FTO: variants seen among roughly 807,000 people sequenced by gnomAD.
The protein encoded by FTO is alpha-ketoglutarate-dependent dioxygenase FTO.
FTO carries 47 observed loss-of-function variants against 63.9 expected under a neutral mutation model. The ratio of observed to expected loss-of-function variants is 0.74; its 90% CI spans 0.58 to 0.94. The LOEUF is 0.94. FTO is among the 40% of genes least tolerant of loss of function. The pLI is 0.00. For missense variants in FTO, 562 were observed against 618.1 expected (o/e 0.91, Z 0.96); for synonymous variants, 207 against 224.4 (o/e 0.92, Z 0.69).
intron 1 of FTO, among the ~76,000 whole-genome samples, chr16:53,714,328 A>T (rs897431232): frequency 6.6e-6 from 1 of 152,208 alleles, no homozygotes; most frequent in Admixed American, 6.5e-5. Context: ...CAGTAATAAT[A>T]TAAAATGGGC....
intron 8 of FTO, among the ~76,000 whole-genome samples, chr16:54,012,490 T>C (rs1802022062): frequency 1.3e-5 from 2 of 152,174 alleles, no homozygotes; most frequent in South Asian, 4.1e-4. Context: ...CTAAGGTCAT[T>C]GATGAAATGG....
At chr16:53,756,160 C>T (rs1012946092) in intron 1 of FTO, among the ~76,000 whole-genome samples, 3 of 152,070 alleles carry the variant, frequency 2.0e-5, no homozygotes, top group African/African-American at 7.2e-5. Flanking sequence ...AAACTAAAGA[C>T]ATGAGAGAGA....
intron 1 of FTO, among the ~76,000 whole-genome samples, chr16:53,720,482 T>G (rs1047751883): frequency 2.6e-5 from 4 of 151,680 alleles, no homozygotes; most frequent in Non-Finnish European, 5.9e-5. Flanking sequence ...ATAGACAATA[T>G]TGTACATATT....
Position 54,112,036 on chromosome 16 carries a change from C to A in FTO, c.*121C>A. 9.5e-7 allele frequency: 1 copy of A among 1,055,796 alleles called. No homozygotes were observed. The highest frequency in any genetic ancestry group is 1.5e-6 in the Non-Finnish European group (1 of 683,682). The allele number at this position is 1,055,796 out of a possible 1,614,324, so 65.4% of individuals were successfully genotyped here. A position where few individuals can be genotyped will look rare whatever the true frequency, so the allele number is the denominator to read the frequency against. ...GGCCCCTAGATTGTAGCACCCGGGTCCCAATCCAAAACAGCTAGGAAATGG... is the reference window on the plus strand; with the variant it reads ...GGCCCCTAGATTGTAGCACCCGGGTACCAATCCAAAACAGCTAGGAAATGG... On this transcript the variant is annotated 3_prime_UTR_variant, in exon 9 of 9. Coordinates refer to ENST00000471389, the MANE Select transcript of FTO (RefSeq NM_001080432.3).
intron 4 of FTO, among the ~76,000 whole-genome samples, chr16:53,871,144 A>G (rs576156352): frequency 1.3e-5 from 2 of 152,208 alleles, no homozygotes; most frequent in South Asian, 4.1e-4. Context: ...TTAGTCTTAT[A>G]TCTTTTTTTG....
intron 1 of FTO, among the ~76,000 whole-genome samples, chr16:53,721,660 C>G (rs2076044905): frequency 6.6e-6 from 1 of 152,132 alleles, no homozygotes. Context: ...ATAAGTCAGT[C>G]TTAGGTTAAC....
intron 8 of FTO, chr16:53,956,880 G>A (rs773035680): frequency 5.9e-5 from 9 of 152,036 alleles, no homozygotes; most frequent in African/African-American, 1.9e-4. Context: ...GGTCAGGCTG[G>A]TCTCGAACTC....
At chr16:53,835,094 A>G (rs936973111) in intron 3 of FTO, among the ~76,000 whole-genome samples, 2 of 152,104 alleles carry the variant, frequency 1.3e-5, no homozygotes, top group African/African-American at 4.8e-5. Flanking sequence ...TGTAGTTATG[A>G]CTAATTAAAT....
At chr16:53,728,306 G>A (rs979713458) in intron 1 of FTO, among the ~76,000 whole-genome samples, 14 of 152,006 alleles carry the variant, frequency 9.2e-5, no homozygotes, top group Non-Finnish European at 1.8e-4. Flanking sequence ...ACAGTCAATC[G>A]TTGTGTTCCA....
At chr16:53,715,700 C>G (rs1431862116) in intron 1 of FTO, among the ~76,000 whole-genome samples, 1 of 152,152 alleles carries the variant, frequency 6.6e-6, no homozygotes, top group Non-Finnish European at 1.5e-5. Context: ...TTTCTATCTT[C>G]CTGAATATTT....
chr16:54,003,516 A>T (rs1490062940), intron 8 of FTO, among the ~76,000 whole-genome samples: 1 of 152,032 alleles, frequency 6.6e-6, no homozygotes, highest in Non-Finnish European at 1.5e-5. Context: ...TTCCTTTTTT[A>T]AAATCTGTTC....
At chr16:53,978,401 C>T (rs578015186) in intron 8 of FTO, among the ~76,000 whole-genome samples, 1 of 152,284 alleles carries the variant, frequency 6.6e-6, no homozygotes, top group South Asian at 2.1e-4. Context: ...CACAGCTATA[C>T]AATGAAGAGA....
At chr16:53,773,908 C>T (rs1337867236) in intron 1 of FTO, among the ~76,000 whole-genome samples, 2 of 152,048 alleles carry the variant, frequency 1.3e-5, no homozygotes, top group Non-Finnish European at 2.9e-5. Flanking sequence ...GTGTTGGAAG[C>T]GTGTCATAGG....
intron 8 of FTO, among the ~76,000 whole-genome samples, chr16:54,077,916 C>G (rs1256483384): frequency 6.6e-6 from 1 of 152,096 alleles, no homozygotes; most frequent in Non-Finnish European, 1.5e-5. Context: ...AAGTAGAAAT[C>G]TGGTTAAGAG....
chr16:53,798,320 A>G (rs2078131710), intron 1 of FTO, among the ~76,000 whole-genome samples: 1 of 152,128 alleles, frequency 6.6e-6, no homozygotes, highest in South Asian at 2.1e-4. Context: ...TTAGAAATAG[A>G]ATGTCAATTT....
rs1170051498 is a variant in FTO at position 54,118,940 on chromosome 16, G to A, written c.*7025G>A. 1 of 152,202 alleles carries A rather than the reference G, an allele frequency of 6.6e-6. No homozygotes were observed. The highest frequency in any genetic ancestry group is 1.5e-5 in the Non-Finnish European group (1 of 68,052). 9.4% of individuals were successfully genotyped at this position (152,202 alleles called of 1,614,324 possible). Reference sequence around the variant, plus strand: ...TTTGTGAAACCAATTTAGTTTGGCTGGGTAATGGAAGAATTTCTACATACA... The same window carrying A: ...TTTGTGAAACCAATTTAGTTTGGCTAGGTAATGGAAGAATTTCTACATACA... On this transcript the variant is annotated 3_prime_UTR_variant, in exon 9 of 9. Transcript: ENST00000471389.
chr16:54,089,572 A>G (rs1280201812), intron 8 of FTO, among the ~76,000 whole-genome samples: 1 of 152,220 alleles, frequency 6.6e-6, no homozygotes, highest in Non-Finnish European at 1.5e-5. Context: ...TTATGCATCA[A>G]GAATGCTACC....
At chr16:54,056,860 G>T (rs1365309352) in intron 8 of FTO, among the ~76,000 whole-genome samples, 1 of 152,218 alleles carries the variant, frequency 6.6e-6, no homozygotes, top group African/African-American at 2.4e-5. Flanking sequence ...ATTTTTGGAG[G>T]TAATTTGTTA....
chr16:53,717,736 G>T (rs979025814), intron 1 of FTO, among the ~76,000 whole-genome samples: 3 of 151,866 alleles, frequency 2.0e-5, no homozygotes, highest in African/African-American at 7.3e-5. Flanking sequence ...TGGTGTTATG[G>T]TATGGAGTAG....
Sources: gnomAD v4.1 joint callset for allele counts (sites outside exome capture counted in the v4.1 genomes callset) on GRCh38, gnomAD v4.1.1 for gene constraint, MANE v1.5 for transcripts, NCBI Gene and HGNC (gene_info 2026-07-23, HGNC 2026-07-21) for gene names.